Variants in ATP8B4 observed in about 807,000 individuals in gnomAD.
The protein encoded by ATP8B4 is ATPase phospholipid transporting 8B4 (putative), also known as probable phospholipid-transporting ATPase IM.
A neutral mutation model predicts 145.6 loss-of-function variants in ATP8B4; 133 were observed. The ratio of observed to expected loss-of-function variants is 0.91; its 90% CI spans 0.79 to 1.05. ATP8B4 has a LOEUF of 1.05. Among genes scored for constraint, ATP8B4 ranks in the 50% least tolerant of loss-of-function variants. The pLI, the probability that ATP8B4 is intolerant of heterozygous loss-of-function variation, is 0.00. For missense variants in ATP8B4, 1,458 were observed against 1,425.2 expected, an observed-to-expected ratio of 1.02 and a Z score of -0.37; for synonymous variants, 507 against 492.9, an observed-to-expected ratio of 1.03 and a Z score of -0.38.
In ATP8B4 at chr15:49,931,119, C is replaced by T; in HGVS notation, c.1642G>A (p.Val548Ile). The change falls in exon 16 of 28, where the codon GTT becomes ATT. Residue 548 changes from valine (V) to isoleucine (I), a missense_variant and splice_region_variant. Transcript: ENST00000284509. ...AAATAGTCTTAGCTACCAACCATACCTATGACAGACATCCTTTTTCTGGTG... is the reference window on the plus strand; with the variant it reads ...AAATAGTCTTAGCTACCAACCATACTTATGACAGACATCCTTTTTCTGGTG... ...NNTRKRMSVIVRNPEGQIKLY... is the reference protein window; with the variant it reads ...NNTRKRMSVIIRNPEGQIKLY... The T allele has an allele frequency of 1.2e-6, 2 of 1,609,242 alleles. No homozygotes were observed. Among genetic ancestry groups the T allele is most frequent in the Non-Finnish European group, 1.7e-6 (2 of 1,176,906 alleles).
At chr15:50,163,917 C>T (rs546731157) in intron 1 of ATP8B4, among the ~76,000 whole-genome samples, 2 of 152,314 alleles carry the variant, frequency 1.3e-5, no homozygotes, top group African/African-American at 4.8e-5. Context: ...ACCACTGTCT[C>T]AGGCTCATGG....
chr15:50,124,465 A>C (rs147944083), intron 1 of ATP8B4, among the ~76,000 whole-genome samples: 2,022 of 152,320 alleles, frequency 0.013, 9 homozygotes, highest in Non-Finnish European at 0.02. Context: ...GAATGCAAAC[A>C]AGAAGTTAGA....
chr15:50,030,906 T>C (rs1441741843), intron 6 of ATP8B4, among the ~76,000 whole-genome samples: 1 of 152,168 alleles, frequency 6.6e-6, no homozygotes, highest in African/African-American at 2.4e-5. Flanking sequence ...AATAACTGAT[T>C]ACAGTGGAAA....
At chr15:49,930,375 A>ACAG (rs926838632) in intron 16 of ATP8B4, among the ~76,000 whole-genome samples, 4 of 152,068 alleles carry the variant, frequency 2.6e-5, no homozygotes, top group African/African-American at 9.7e-5. Flanking sequence ...ACTTGAGGAA[A>ACAG]CAGCCAAGGT....
intron 27 of ATP8B4, among the ~76,000 whole-genome samples, chr15:49,861,473 TCTAC>T (rs71124313): frequency 1.3e-3 from 180 of 135,664 alleles, no homozygotes; most frequent in Admixed American, 2.5e-3. Context: ...TATCTATCTA[TCTAC>T]CTACCTACCT....
chr15:50,149,577 T>G (rs2044321627), intron 1 of ATP8B4, among the ~76,000 whole-genome samples: 2 of 152,118 alleles, frequency 1.3e-5, no homozygotes, highest in African/African-American at 4.8e-5. Flanking sequence ...ATAATGATAA[T>G]GATGATAATA....
chr15:50,171,073 G>T (rs749070143), intron 1 of ATP8B4, among the ~76,000 whole-genome samples: 2 of 152,088 alleles, frequency 1.3e-5, no homozygotes, highest in Non-Finnish European at 2.9e-5. Flanking sequence ...ATTACTAACA[G>T]ACCTAAGAAA....
intron 1 of ATP8B4, among the ~76,000 whole-genome samples, chr15:50,177,455 A>G (rs1478388715): frequency 6.6e-6 from 1 of 152,262 alleles, no homozygotes; most frequent in Non-Finnish European, 1.5e-5. Context: ...CGATGGGTTT[A>G]TAAGTTCAGT....
At chr15:49,885,483 C>T (rs898656524) in intron 23 of ATP8B4, among the ~76,000 whole-genome samples, 1 of 152,134 alleles carries the variant, frequency 6.6e-6, no homozygotes, top group Non-Finnish European at 1.5e-5. Context: ...TTTTAATGCC[C>T]AGAGCAGGAT....
chr15:50,095,174 G>A (rs2055888389), intron 2 of ATP8B4, among the ~76,000 whole-genome samples: 1 of 151,984 alleles, frequency 6.6e-6, no homozygotes, highest in Admixed American at 6.6e-5. Flanking sequence ...GCCCTTCCCT[G>A]GTGAAGCTCA....
At chr15:50,037,802 T>C (rs2050951241) in intron 6 of ATP8B4, among the ~76,000 whole-genome samples, 1 of 152,222 alleles carries the variant, frequency 6.6e-6, no homozygotes. Flanking sequence ...CTGTCCTTTT[T>C]ACACCATTTT....
At chr15:49,983,227 T>C (rs896010694) in intron 10 of ATP8B4, among the ~76,000 whole-genome samples, 6 of 152,200 alleles carry the variant, frequency 3.9e-5, no homozygotes, top group Admixed American at 3.3e-4. Context: ...TATTTAAACC[T>C]ACGTATTTTG....
At chr15:50,069,804 C>T (rs2053611067) in intron 3 of ATP8B4, among the ~76,000 whole-genome samples, 1 of 152,076 alleles carries the variant, frequency 6.6e-6, no homozygotes, top group South Asian at 2.1e-4. Context: ...CACTAGAATT[C>T]CAGCTTTGTT....
intron 15 of ATP8B4, 113 bp downstream of exon 15, chr15:49,933,904 A>G: frequency 8.3e-7 from 1 of 1,201,536 alleles, no homozygotes; most frequent in Non-Finnish European, 1.1e-6. Flanking sequence ...CAAAAACAAA[A>G]AACAAGGCTC....
intron 14 of ATP8B4, among the ~76,000 whole-genome samples, chr15:49,942,758 G>C (rs2042260513): frequency 6.6e-6 from 1 of 152,094 alleles, no homozygotes; most frequent in Non-Finnish European, 1.5e-5. Context: ...CTGGGAGGCA[G>C]AGCTTGCAGT....
intron 16 of ATP8B4, among the ~76,000 whole-genome samples, chr15:49,929,129 C>G (rs935257381): frequency 6.6e-6 from 1 of 151,968 alleles, no homozygotes; most frequent in African/African-American, 2.4e-5. Flanking sequence ...CCAAGGGGCA[C>G]AAAAGCTATG....
intron 4 of ATP8B4, among the ~76,000 whole-genome samples, chr15:50,046,648 A>C (rs562544206): frequency 2.6e-5 from 4 of 152,356 alleles, no homozygotes; most frequent in African/African-American, 9.6e-5. Flanking sequence ...TACCAGTTTG[A>C]TCTGCTTAAA....
chr15:50,070,719 G>T (rs943114347), intron 3 of ATP8B4, among the ~76,000 whole-genome samples: 3 of 151,978 alleles, frequency 2.0e-5, no homozygotes, highest in East Asian at 1.9e-4. Flanking sequence ...TTTTATCTTG[G>T]TTTTTTGTGT....
intron 3 of ATP8B4, among the ~76,000 whole-genome samples, chr15:50,073,005 TATATATATATATATACACACACAC>T (rs1427650164): frequency 6.9e-5 from 4 of 57,942 alleles, no homozygotes; most frequent in East Asian, 6.1e-4. Context: ...TATATATATA[TATATATATATATATACACACACAC>T]ACACACACAC....
Sources: gnomAD v4.1 joint callset for allele counts (sites outside exome capture counted in the v4.1 genomes callset) on GRCh38, gnomAD v4.1.1 for gene constraint, MANE v1.5 for transcripts, NCBI Gene and HGNC (gene_info 2026-07-23, HGNC 2026-07-21) for gene names.